RSU1: variants seen among roughly 807,000 people sequenced by gnomAD.
RSU1 encodes the protein Ras suppressor protein 1.
RSU1 carries 26 observed loss-of-function variants against 31.1 expected under a neutral mutation model. The observed-to-expected ratio is 0.84, with a 90% CI of 0.61 to 1.16. RSU1 has a LOEUF of 1.16. Ranked by LOEUF, RSU1 falls within the 50% of genes most tolerant of loss-of-function variation. The pLI, the probability that RSU1 is intolerant of heterozygous loss-of-function variation, is 0.00. For missense variants in RSU1, 320 were observed against 339.1 expected, an observed-to-expected ratio of 0.94 and a Z score of 0.44; for synonymous variants, 164 against 136.3, an observed-to-expected ratio of 1.20 and a Z score of -1.41.
intron 2 of RSU1, among the ~76,000 whole-genome samples, chr10:16,786,542 C>T (rs1837795122): frequency 6.6e-6 from 1 of 151,898 alleles, no homozygotes; most frequent in South Asian, 2.1e-4. Context: ...GTGCTCATTA[C>T]TTTGGGGTGG....
chr10:16,593,280 AAAAAT>A lies in RSU1; in HGVS notation c.*109_*113del. ...GAAGCATTAGAAAGAGAGTGAAAAGAAAAATAAAAAAGGCCTCACACGCAGCATTG... is the reference window on the plus strand; with the variant it reads ...GAAGCATTAGAAAGAGAGTGAAAAGAAAAAAAGGCCTCACACGCAGCATTG... On this transcript the variant is annotated 3_prime_UTR_variant, in exon 9 of 9. Transcript: ENST00000345264. 1 of 1,511,248 alleles carries A rather than the reference AAAAAT, an allele frequency of 6.6e-7. No homozygotes were observed. Among genetic ancestry groups the A allele is most frequent in the South Asian group, 1.3e-5 (1 of 75,998 alleles). The allele number at this position is 1,511,248 out of a possible 1,614,324, so 93.6% of individuals were successfully genotyped here.
chr10:16,780,179 G>A (rs1435239866), intron 3 of RSU1, among the ~76,000 whole-genome samples: 1 of 152,206 alleles, frequency 6.6e-6, no homozygotes, highest in Non-Finnish European at 1.5e-5. Context: ...TTGTGAAGAT[G>A]TAAAAAGAAA....
In RSU1 at chr10:16,593,095, T is replaced by C; in HGVS notation, c.*299A>G. The C allele has an allele frequency of 3.8e-6, 1 of 266,524 alleles. No individual in the cohort carries two copies. Among genetic ancestry groups the C allele is most frequent in the Admixed American group, 4.9e-5 (1 of 20,384 alleles). 16.5% of individuals were successfully genotyped at this position (266,524 alleles called of 1,614,324 possible). The stretch of plus-strand genomic sequence containing the variant: ...TTATTCTTTTGATAATAAGCAACCT[T>C]GTGATATCTATTCAAGAAAAGCCAG... On this transcript the variant is annotated 3_prime_UTR_variant, in exon 9 of 9. Transcript: ENST00000345264.
At chr10:16,805,589 T>G (rs191345230) in intron 2 of RSU1, among the ~76,000 whole-genome samples, 1,884 of 139,812 alleles carry the variant, frequency 0.013, 41 homozygotes, top group African/African-American at 0.047. Flanking sequence ...GGCAGGAGAA[T>G]GGCGTGAACC....
In RSU1 at chr10:16,767,063, T is replaced by G. The variant is rs562529213; in HGVS notation, c.161-2553A>C. 2.9e-4 allele frequency among the ~76,000 whole-genome samples: 44 copies of G among 150,726 alleles called. No homozygotes were observed. The South Asian group carries it at 7.6e-3, about 26-fold the overall frequency. ...GAAAAGAAAATCACCAGGCTGTGCC[T>G]TCTGGGTCACTGGATGTCATCTTCT... On this transcript the variant is annotated intron_variant, in intron 3 of 8. Transcript: ENST00000345264.
At chr10:16,775,328 T>C (rs1588526943) in intron 3 of RSU1, among the ~76,000 whole-genome samples, 3 of 152,216 alleles carry the variant, frequency 2.0e-5, no homozygotes, top group African/African-American at 7.2e-5. Flanking sequence ...AGGCTTACAC[T>C]CCCCCGTCTT....
At chr10:16,612,404 C>G (rs1040788504) in intron 8 of RSU1, among the ~76,000 whole-genome samples, 14 of 152,164 alleles carry the variant, frequency 9.2e-5, no homozygotes, top group Admixed American at 2.6e-4. Context: ...AGACAATCAC[C>G]AAGATTCTGC....
At chr10:16,755,438 T>TA (rs774777707) in intron 4 of RSU1, among the ~76,000 whole-genome samples, 15 of 151,806 alleles carry the variant, frequency 9.9e-5, no homozygotes, top group Admixed American at 3.3e-4. Flanking sequence ...TTTTTTTAAT[T>TA]AAAAAAAGCA....
At chr10:16,691,726 T>TC (rs1409515628) in intron 8 of RSU1, among the ~76,000 whole-genome samples, 44 of 14,428 alleles carry the variant, frequency 3.0e-3, no homozygotes, top group Non-Finnish European at 4.9e-3. Context: ...CTGCTTCTTT[T>TC]TTTTTTTTTT....
chr10:16,799,336 C>A (rs572767407), intron 2 of RSU1, among the ~76,000 whole-genome samples: 1 of 152,116 alleles, frequency 6.6e-6, no homozygotes, highest in Non-Finnish European at 1.5e-5. Context: ...CATTAGAAAA[C>A]TCAGGTCACA....
rs375013884 is a variant in RSU1 at position 16,621,189 on chromosome 10, C to T, written c.732-27693G>A. 8.5e-5 allele frequency among the ~76,000 whole-genome samples: 13 copies of T among 152,220 alleles called. No homozygotes were observed. In the South Asian group the frequency reaches 1.9e-3, roughly 22 times the overall value. Reference sequence around the variant, plus strand: ...TGGTTGTCAATTGTCACACCTTGGGCGCCTGTGGGGGTGTGTTATTGGCAT... The same window carrying T: ...TGGTTGTCAATTGTCACACCTTGGGTGCCTGTGGGGGTGTGTTATTGGCAT... On this transcript the variant is annotated intron_variant, in intron 8 of 8. Transcript: ENST00000345264.
chr10:16,596,996 G>A (rs1018616727), intron 8 of RSU1, among the ~76,000 whole-genome samples: 7 of 152,360 alleles, frequency 4.6e-5, no homozygotes, highest in Admixed American at 1.3e-4. Flanking sequence ...GATTACAGGC[G>A]TGAGCCACGC....
chr10:16,728,472 C>T (rs187878991), intron 7 of RSU1, among the ~76,000 whole-genome samples: 1 of 152,272 alleles, frequency 6.6e-6, no homozygotes, highest in Admixed American at 6.5e-5. Flanking sequence ...GCCAGCTCAT[C>T]CAGAAGATGA....
intron 7 of RSU1, chr10:16,723,005 GAC>G (rs1019051434): frequency 7.3e-4 from 94 of 127,912 alleles, no homozygotes; most frequent in Non-Finnish European, 1.3e-3. Flanking sequence ...TATGCATATA[GAC>G]ACAAACATAC....
intron 7 of RSU1, chr10:16,726,884 GA>G (rs1836407298): frequency 2.8e-6 from 1 of 360,012 alleles, no homozygotes; most frequent in Non-Finnish European, 5.5e-6. Flanking sequence ...TAGGTTCAAG[GA>G]ACAAAACAAA....
intron 8 of RSU1, among the ~76,000 whole-genome samples, chr10:16,612,150 G>A (rs935060949): frequency 1.3e-5 from 2 of 152,232 alleles, no homozygotes; most frequent in African/African-American, 4.8e-5. Context: ...CCATTCAAAT[G>A]TGGTTGAAGC....
intron 2 of RSU1, among the ~76,000 whole-genome samples, chr10:16,805,773 G>A (rs1266658730): frequency 1.3e-5 from 2 of 150,184 alleles, no homozygotes; most frequent in Non-Finnish European, 3.0e-5. Flanking sequence ...TATTAGTATT[G>A]TTAATTGCGT....
intron 8 of RSU1, among the ~76,000 whole-genome samples, chr10:16,656,774 T>G (rs1834788177): frequency 6.6e-6 from 1 of 152,244 alleles, no homozygotes; most frequent in Admixed American, 6.5e-5. Context: ...CAAAGTGGCT[T>G]TAACAAAAGT....
Position 16,752,558 on chromosome 10 carries a change from G to C in RSU1, c.579C>G (p.Thr193=). The C allele has an allele frequency of 6.2e-7, 1 of 1,613,852 alleles. No individual in the cohort carries two copies. Among genetic ancestry groups the C allele is most frequent in the Non-Finnish European group, 8.5e-7 (1 of 1,179,754 alleles). ...CCTTACCTAGTTCTGGGGGCAGAAC[G>C]GTGAGGCGGTTCCCCTGAATGTGGA... The part of the protein sequence containing the change: ...KELHIQGNRL[T]VLPPELGNLD... The change falls in exon 7 of 9, where the codon ACC becomes ACG. Residue 193 remains threonine, a synonymous_variant. Coordinates refer to ENST00000345264, the MANE Select transcript of RSU1 (RefSeq NM_012425.4).
Sources: allele counts gnomAD v4.1 joint callset (sites outside exome capture counted in the v4.1 genomes callset), GRCh38; gene constraint gnomAD v4.1.1; transcripts MANE v1.5; gene names NCBI Gene and HGNC (gene_info 2026-07-23, HGNC 2026-07-21).